Variants in STOX2 observed in about 807,000 individuals in gnomAD.
STOX2 encodes the protein storkhead-box protein 2.
Under a neutral mutation model 60.9 loss-of-function variants are expected in STOX2, and 28 were observed. That is an observed-to-expected ratio of 0.46 (90% CI 0.34 to 0.63). The LOEUF (loss-of-function observed/expected upper bound fraction) is 0.63. Among genes scored for constraint, STOX2 ranks in the 30% least tolerant of loss-of-function variants. STOX2 has a pLI of 0.01. For missense variants in STOX2, 1,024 were observed against 1,187.7 expected, an observed-to-expected ratio of 0.86 and a Z score of 2.03; for synonymous variants, 472 against 463.9, an observed-to-expected ratio of 1.02 and a Z score of -0.22.
At chr4:183,860,825 A>T (rs1740422779) in intron 1 of STOX2, among the ~76,000 whole-genome samples, 1 of 152,200 alleles carries the variant, frequency 6.6e-6, no homozygotes, top group South Asian at 2.1e-4. Context: ...TCTCTCAGAC[A>T]CACGGAAGGA....
chr4:183,998,903 C>T (rs1321554826), intron 1 of STOX2, among the ~76,000 whole-genome samples: 1 of 151,788 alleles, frequency 6.6e-6, no homozygotes, highest in Non-Finnish European at 1.5e-5. Context: ...ACCTGTAATT[C>T]CAGCGCTTTA....
At chr4:183,864,244 A>G (rs1025019945) in intron 1 of STOX2, among the ~76,000 whole-genome samples, 6 of 152,098 alleles carry the variant, frequency 3.9e-5, no homozygotes, top group African/African-American at 1.4e-4. Context: ...AACAGTTATT[A>G]TTTTCCAGAC....
At chr4:184,017,053 C>CAAACA (rs749587885) in intron 3 of STOX2, 36 bp from the exon 4 acceptor site, 11 of 1,525,542 alleles carry the variant, frequency 7.2e-6, no homozygotes, top group African/African-American at 4.2e-5. Context: ...ATTTATGTTC[C>CAAACA]AAACAAAACA....
At chr4:183,913,991 TTATA>T (rs2111091295) in intron 1 of STOX2, among the ~76,000 whole-genome samples, 1 of 152,358 alleles carries the variant, frequency 6.6e-6, no homozygotes, top group Non-Finnish European at 1.5e-5. Flanking sequence ...CTCTCGATAA[TTATA>T]TATTTTTTCT....
intron 1 of STOX2, among the ~76,000 whole-genome samples, chr4:183,925,678 T>C (rs1742220060): frequency 6.6e-6 from 1 of 152,212 alleles, no homozygotes; most frequent in African/African-American, 2.4e-5. Context: ...TACATATAAC[T>C]AGGACTAGAA....
In STOX2 at chr4:183,906,191, C is replaced by G. The variant is rs999589233; in HGVS notation, c.-600C>G. 6.6e-6 allele frequency: 1 copy of G among 152,372 alleles called. No homozygotes were observed. The highest frequency in any genetic ancestry group is 1.9e-4 in the East Asian group (1 of 5,162). 9.4% of individuals were successfully genotyped at this position (152,372 alleles called of 1,614,324 possible). ...AGGCAGAGCCAGCCAGCGCCGGGGA[C>G]TGCGGGCCGTGCGGCTGATAGGCCC... On this transcript the variant is annotated 5_prime_UTR_variant, in exon 1 of 4. Coordinates refer to ENST00000308497, the MANE Select transcript of STOX2 (RefSeq NM_020225.3).
chr4:183,798,087 C>A, intron 1 of STOX2: 1 of 1,225,446 alleles, frequency 8.2e-7, no homozygotes, highest in Non-Finnish European at 1.0e-6. Context: ...CCGTCCCGTC[C>A]CTTCCCACCG....
At chr4:183,803,377 A>G (rs1738812303) in intron 1 of STOX2, among the ~76,000 whole-genome samples, 1 of 152,174 alleles carries the variant, frequency 6.6e-6, no homozygotes, top group Admixed American at 6.5e-5. Flanking sequence ...AGCCTGGCCT[A>G]GAATTATTAA....
In STOX2 at chr4:184,009,302, G is replaced by A. The variant is rs761319805; in HGVS notation, c.464G>A (p.Ser155Asn). ...FITPSLIRTN[S>N]KWYHLDERIP... ...ACTCCTTCCCTCATAAGAACTAACA[G>A]TAAATGGTACCATTTGGACGAGAGG... is the stretch of plus-strand genomic sequence containing the variant. Residue 155 changes from serine (S) to asparagine (N), a missense_variant, in exon 3 of 4, where the codon AGT (serine) becomes AAT (asparagine). Ser to Asn is a conservative substitution (Grantham distance 46). Transcript: ENST00000308497. This position sits in a 1 kb window ranked among gnomAD's most constrained non-coding sequence, Gnocchi z 4.0. The A allele has an allele frequency of 1.2e-6, 2 of 1,613,810 alleles. No individual in the cohort carries two copies. The highest frequency in any genetic ancestry group is 1.7e-6 in the Non-Finnish European group (2 of 1,179,874).
chr4:183,889,599 A>T (rs143114053), intron 1 of STOX2, among the ~76,000 whole-genome samples: 69 of 152,356 alleles, frequency 4.5e-4, no homozygotes, highest in African/African-American at 1.6e-3. Context: ...GAAGTTAGCA[A>T]AGTTTGATGG....
chr4:183,972,906 A>G (rs1255944801), intron 1 of STOX2, among the ~76,000 whole-genome samples: 1 of 152,246 alleles, frequency 6.6e-6, no homozygotes, highest in African/African-American at 2.4e-5. Flanking sequence ...TATGTAATGC[A>G]GAAGTGAGTG....
intron 1 of STOX2, among the ~76,000 whole-genome samples, chr4:183,874,414 A>T (rs1740764423): frequency 6.6e-6 from 1 of 152,184 alleles, no homozygotes. Context: ...GAAGGAGGAC[A>T]GTCCTTAGGT....
intron 1 of STOX2, among the ~76,000 whole-genome samples, chr4:183,819,580 G>A (rs1281564652): frequency 1.5e-5 from 2 of 130,404 alleles, no homozygotes; most frequent in Non-Finnish European, 3.3e-5. Context: ...GAGGGGGAGG[G>A]GGAGGGAGAG....
intron 1 of STOX2, among the ~76,000 whole-genome samples, chr4:183,934,810 A>G (rs1481305101): frequency 6.6e-6 from 1 of 152,252 alleles, no homozygotes; most frequent in Non-Finnish European, 1.5e-5. Context: ...TGTAGCTTAT[A>G]GTAAAATTAG....
intron 1 of STOX2, among the ~76,000 whole-genome samples, chr4:183,982,524 G>A (rs1732693111): frequency 6.6e-6 from 1 of 152,098 alleles, no homozygotes; most frequent in Non-Finnish European, 1.5e-5. Flanking sequence ...ATGCAACTAA[G>A]AAAGTATAAT....
At chr4:184,015,376 A>T (rs1404507461) in intron 3 of STOX2, 1 of 152,174 alleles carries the variant, frequency 6.6e-6, no homozygotes, top group Non-Finnish European at 1.5e-5. Flanking sequence ...CCTTTTAGTG[A>T]TGACATTTTG....
At chr4:183,868,362 C>G (rs1002108996) in intron 1 of STOX2, among the ~76,000 whole-genome samples, 2 of 151,984 alleles carry the variant, frequency 1.3e-5, no homozygotes, top group African/African-American at 4.8e-5. Flanking sequence ...GGAGGTTGAG[C>G]CTGCAGTGAG....
chr4:183,931,761 C>T (rs767985296), intron 1 of STOX2, among the ~76,000 whole-genome samples: 13 of 152,026 alleles, frequency 8.6e-5, no homozygotes, highest in East Asian at 1.9e-4. Context: ...AATAATTGCA[C>T]GAGAAGAGCA....
In STOX2 at chr4:183,906,610, G is replaced by A; in HGVS notation, c.-181G>A. On this transcript the variant is annotated 5_prime_UTR_variant, in exon 1 of 4. Transcript: ENST00000308497. Reference sequence around the variant, plus strand: ...GTAAAATCGGAGCCTTCGCCGTGGGGGTGTGGGGGGGCGTGGGGAGGGCCG... The same window carrying A: ...GTAAAATCGGAGCCTTCGCCGTGGGAGTGTGGGGGGGCGTGGGGAGGGCCG... 1.7e-6 allele frequency: 1 copy of A among 604,914 alleles called. No individual in the cohort carries two copies. The highest frequency in any genetic ancestry group is 2.8e-6 in the Non-Finnish European group (1 of 354,062). 37.5% of individuals were successfully genotyped at this position (604,914 alleles called of 1,614,324 possible).
Sources: allele counts gnomAD v4.1 joint callset (sites outside exome capture counted in the v4.1 genomes callset), GRCh38; gene constraint gnomAD v4.1.1; non-coding constraint Gnocchi (gnomAD v3.1); transcripts MANE v1.5; gene names NCBI Gene and HGNC (gene_info 2026-07-23, HGNC 2026-07-21).